The following GPATCH2 variants were observed in gnomAD, a reference collection of about 807,000 sequenced individuals.
The protein encoded by GPATCH2 is G patch domain-containing protein 2.
A neutral mutation model predicts 58.0 loss-of-function variants in GPATCH2; 51 were observed. The observed-to-expected ratio is 0.88, with a 90% CI of 0.70 to 1.11. GPATCH2 has a LOEUF of 1.11. Ranked by LOEUF, GPATCH2 falls within the 50% of genes most tolerant of loss-of-function variation. GPATCH2 has a pLI of 0.00. For missense variants in GPATCH2, 625 were observed against 652.2 expected, an observed-to-expected ratio of 0.96 and a Z score of 0.45; for synonymous variants, 222 against 218.5, an observed-to-expected ratio of 1.02 and a Z score of -0.14.
In GPATCH2 at chr1:217,614,520, G is replaced by A. The variant is rs758943119; in HGVS notation, c.774-318C>T. On this transcript the variant is annotated intron_variant, in intron 2 of 9. Coordinates refer to ENST00000366935, the MANE Select transcript of GPATCH2 (RefSeq NM_018040.5). ...CAAATGCTCACTGCTCCTTTCTTAC[G>A]TCATGCAATTCAGCTTGAGCCTGGA... is the stretch of plus-strand genomic sequence containing the variant. 1.3e-5 allele frequency among the ~76,000 whole-genome samples: 2 copies of A among 151,718 alleles called. 1 individual carries two copies. The highest frequency in any genetic ancestry group is 2.9e-5 in the Non-Finnish European group (2 of 67,954).
chr1:217,468,673 T>A (rs186045373), intron 8 of GPATCH2, among the ~76,000 whole-genome samples: 204 of 152,070 alleles, frequency 1.3e-3, no homozygotes, highest in Middle Eastern at 3.4e-3. Context: ...AATGTAAATA[T>A]CAATTGCATA....
chr1:217,520,767 T>C (rs1249594623), intron 5 of GPATCH2, among the ~76,000 whole-genome samples: 1 of 152,200 alleles, frequency 6.6e-6, no homozygotes, highest in Non-Finnish European at 1.5e-5. Context: ...TATCAAAAAT[T>C]AATATAATTA....
chr1:217,458,216 C>T (rs1660044159), intron 8 of GPATCH2, among the ~76,000 whole-genome samples: 1 of 152,070 alleles, frequency 6.6e-6, no homozygotes, highest in African/African-American at 2.4e-5. Context: ...GGAAACAGAG[C>T]GAAACTCCGT....
At chr1:217,606,703 T>C (rs1668377251) in intron 5 of GPATCH2, among the ~76,000 whole-genome samples, 1 of 152,014 alleles carries the variant, frequency 6.6e-6, no homozygotes. Flanking sequence ...ATTGTGCCAC[T>C]GCACTCCAGC....
chr1:217,493,105 TC>T (rs1661829213), intron 7 of GPATCH2, among the ~76,000 whole-genome samples: 1 of 152,126 alleles, frequency 6.6e-6, no homozygotes, highest in Non-Finnish European at 1.5e-5. Flanking sequence ...CTTGCAACCA[TC>T]CCAGTTTAGA....
Position 217,427,919 on chromosome 1 carries a change from G to A in GPATCH2, c.*3226C>T, listed in dbSNP as rs2102512712. On this transcript the variant is annotated 3_prime_UTR_variant, in exon 10 of 10. Transcript: ENST00000366935. The stretch of plus-strand genomic sequence containing the variant: ...CATTATGTATATCTTTACCCCTACT[G>A]TGTTAACTTCTGTTTGATAGCCACA... The A allele has an allele frequency of 6.6e-6, 1 of 152,182 alleles. No homozygotes were observed. Among genetic ancestry groups the A allele is most frequent in the South Asian group, 2.1e-4 (1 of 4,826 alleles). The allele number at this position is 152,182 out of a possible 1,614,324, so 9.4% of individuals were successfully genotyped here. A position where few individuals can be genotyped will look rare whatever the true frequency, so the allele number is the denominator to read the frequency against.
At chr1:217,535,578 C>G (rs909883716) in intron 5 of GPATCH2, among the ~76,000 whole-genome samples, 1 of 152,190 alleles carries the variant, frequency 6.6e-6, no homozygotes, top group Admixed American at 6.5e-5. Flanking sequence ...GTCTCGATCT[C>G]CTGACCTCGT....
intron 5 of GPATCH2, among the ~76,000 whole-genome samples, chr1:217,532,656 C>T (rs903183262): frequency 3.3e-5 from 5 of 151,844 alleles, no homozygotes; most frequent in Admixed American, 1.3e-4. Flanking sequence ...CTGACCTGAC[C>T]CCTGAAGGAT....
In GPATCH2 at chr1:217,614,129, T is replaced by A. The variant is rs760570738; in HGVS notation, c.835+12A>T. 8 of 1,478,936 alleles carry A rather than the reference T, an allele frequency of 5.4e-6. No individual in the cohort carries two copies. The Admixed American group carries it at 1.3e-4, about 25-fold the overall frequency. The allele number at this position is 1,478,936 out of a possible 1,614,324, so 91.6% of individuals were successfully genotyped here. On this transcript the variant is annotated intron_variant, in intron 3 of 9. Transcript: ENST00000366935. ...GTTTTTCCAAAGAGAGAAAAAAATATCATTTCAGTACCTTGTCTTCCCTCA... is the reference window on the plus strand; with the variant it reads ...GTTTTTCCAAAGAGAGAAAAAAATAACATTTCAGTACCTTGTCTTCCCTCA...
chr1:217,545,282 A>G (rs1053334846), intron 5 of GPATCH2, among the ~76,000 whole-genome samples: 2 of 152,210 alleles, frequency 1.3e-5, no homozygotes, highest in Non-Finnish European at 2.9e-5. Context: ...GCGACAGTGA[A>G]GCACTGTTTA....
intron 5 of GPATCH2, among the ~76,000 whole-genome samples, chr1:217,522,799 T>A (rs1356776533): frequency 1.3e-5 from 2 of 149,920 alleles, no homozygotes; most frequent in Non-Finnish European, 2.9e-5. Context: ...ACATCTGCAT[T>A]TAAAAACAAA....
chr1:217,620,229 A>G lies in GPATCH2; in HGVS notation c.327T>C (p.Asn109=). 1 of 1,613,768 alleles carries G rather than the reference A, an allele frequency of 6.2e-7. No homozygotes were observed. Among genetic ancestry groups the G allele is most frequent in the South Asian group, 1.1e-5 (1 of 91,070 alleles). Residue 109 remains asparagine, a synonymous_variant, in exon 2 of 10, where the codon AAT becomes AAC. Coordinates refer to ENST00000366935, the MANE Select transcript of GPATCH2 (RefSeq NM_018040.5). ...PSKDYRENHN[N]NKKDHSDSDD... ...CAGAGTCACTGTGATCTTTTTTATTATTATTGTGATTCTCTCTATAGTCCT... is the reference window on the plus strand; with the variant it reads ...CAGAGTCACTGTGATCTTTTTTATTGTTATTGTGATTCTCTCTATAGTCCT...
chr1:217,478,906 G>A (rs1661086003), intron 8 of GPATCH2, among the ~76,000 whole-genome samples: 1 of 151,990 alleles, frequency 6.6e-6, no homozygotes, highest in African/African-American at 2.4e-5. Flanking sequence ...AACATACAAT[G>A]GAGCTCCAAT....
intron 8 of GPATCH2, among the ~76,000 whole-genome samples, chr1:217,481,464 A>C (rs953874606): frequency 6.6e-6 from 1 of 152,240 alleles, no homozygotes; most frequent in East Asian, 1.9e-4. Flanking sequence ...AGAATGGTAA[A>C]GAATAGGGTT....
At chr1:217,483,150 A>G (rs1173879153) in intron 8 of GPATCH2, among the ~76,000 whole-genome samples, 1 of 152,130 alleles carries the variant, frequency 6.6e-6, no homozygotes, top group Non-Finnish European at 1.5e-5. Flanking sequence ...ATGAATAAAG[A>G]TGCTACAAAT....
intron 5 of GPATCH2, among the ~76,000 whole-genome samples, chr1:217,601,577 A>C (rs1213082190): frequency 6.6e-6 from 1 of 152,070 alleles, no homozygotes; most frequent in African/African-American, 2.4e-5. Flanking sequence ...AACCCATCCC[A>C]CCAACTTCTT....
intron 5 of GPATCH2, among the ~76,000 whole-genome samples, chr1:217,570,061 A>G (rs1666459493): frequency 6.6e-6 from 1 of 152,134 alleles, no homozygotes; most frequent in African/African-American, 2.4e-5. Flanking sequence ...GGGTAACAAT[A>G]TTTACATTGT....
chr1:217,485,459 C>CTT (rs56048191), intron 8 of GPATCH2, among the ~76,000 whole-genome samples: 2 of 137,042 alleles, frequency 1.5e-5, no homozygotes, highest in South Asian at 2.4e-4. Flanking sequence ...GGTTGAATAT[C>CTT]TTTTTTTTTT....
intron 5 of GPATCH2, among the ~76,000 whole-genome samples, chr1:217,546,862 C>T (rs532858243): frequency 6.6e-6 from 1 of 152,166 alleles, no homozygotes; most frequent in South Asian, 2.1e-4. Flanking sequence ...GTGTAACACC[C>T]AGCATCTGTA....
Sources: allele counts gnomAD v4.1 joint callset (sites outside exome capture counted in the v4.1 genomes callset), GRCh38; gene constraint gnomAD v4.1.1; transcripts MANE v1.5; gene names NCBI Gene and HGNC (gene_info 2026-07-23, HGNC 2026-07-21).